The following CFAP20DC variants were observed in gnomAD, a reference collection of about 807,000 sequenced individuals.
CFAP20DC encodes the protein protein CFAP20DC.
Under a neutral mutation model 101.7 loss-of-function variants are expected in CFAP20DC, and 84 were observed. The observed-to-expected ratio is 0.83, with a 90% CI of 0.69 to 0.99. CFAP20DC has a LOEUF of 0.99. Among genes scored for constraint, CFAP20DC ranks in the 50% least tolerant of loss-of-function variants. CFAP20DC has a pLI of 0.00. For missense variants in CFAP20DC, 1,007 were observed against 970.3 expected (o/e 1.04, Z -0.50); for synonymous variants, 359 against 351.2 (o/e 1.02, Z -0.25).
chr3:59,025,689 A>G (rs1046170098), intron 4 of CFAP20DC, among the ~76,000 whole-genome samples: 3 of 152,138 alleles, frequency 2.0e-5, no homozygotes, highest in African/African-American at 7.2e-5. Context: ...TCCCTAGTCT[A>G]TAATCTGTCC....
intron 12 of CFAP20DC, chr3:58,862,882 G>A: frequency 5.1e-6 from 5 of 982,058 alleles, no homozygotes; most frequent in Non-Finnish European, 6.0e-6. Flanking sequence ...TGGGGAAAAA[G>A]TTATCAATGT....
chr3:58,922,482 C>T (rs1354877720), intron 5 of CFAP20DC, among the ~76,000 whole-genome samples: 1 of 152,086 alleles, frequency 6.6e-6, no homozygotes, highest in Non-Finnish European at 1.5e-5. Context: ...TGGCTTGGTG[C>T]CATTCTCACG....
chr3:58,876,151 C>G (rs2080734213), intron 7 of CFAP20DC, among the ~76,000 whole-genome samples: 1 of 152,060 alleles, frequency 6.6e-6, no homozygotes, highest in South Asian at 2.1e-4. Context: ...TTTAGTATCT[C>G]TTTAATAGAC....
intron 4 of CFAP20DC, among the ~76,000 whole-genome samples, chr3:58,948,110 T>G (rs1289588469): frequency 6.6e-6 from 1 of 152,212 alleles, no homozygotes; most frequent in Non-Finnish European, 1.5e-5. Context: ...TGCACCAAAC[T>G]GTCAAGTGCA....
chr3:58,959,585 G>T (rs1307239657), intron 4 of CFAP20DC, among the ~76,000 whole-genome samples: 1 of 152,156 alleles, frequency 6.6e-6, no homozygotes, highest in African/African-American at 2.4e-5. Flanking sequence ...TAAATGTAAG[G>T]ATTTGTTTCT....
At chr3:58,806,354 G>GT (rs59197884) in intron 15 of CFAP20DC, 41 bp downstream of exon 15, 125,766 of 983,358 alleles carry the variant, frequency 0.13, 2,448 homozygotes, top group African/African-American at 0.32. Flanking sequence ...TTCCAACTAA[G>GT]TTTTTTTTTT....
chr3:58,996,833 C>T (rs1043377381), intron 4 of CFAP20DC, among the ~76,000 whole-genome samples: 10 of 152,210 alleles, frequency 6.6e-5, no homozygotes, highest in African/African-American at 1.9e-4. Flanking sequence ...ATTCTAGATG[C>T]TTTTGAGACA....
rs60920549 is a variant in CFAP20DC, at chr3:58,969,720, C to A, written c.279-31958G>T. On this transcript the variant is annotated intron_variant, in intron 4 of 16. Coordinates refer to ENST00000482387, the MANE Select transcript of CFAP20DC (RefSeq NM_001394063.1). Reference sequence around the variant, plus strand: ...ACAATAGTTCTTATTCTTATCTATTCCACTCTACAATATGGATAAACCTTG... The same window carrying A: ...ACAATAGTTCTTATTCTTATCTATTACACTCTACAATATGGATAAACCTTG... Among the ~76,000 whole-genome samples, 3,199 of 152,200 alleles carry A rather than the reference C, an allele frequency of 0.021. 230 individuals carry two copies. The East Asian group carries it at 0.25, about 12-fold the overall frequency.
At chr3:58,811,033 C>T (rs1386654860) in intron 14 of CFAP20DC, among the ~76,000 whole-genome samples, 2 of 152,146 alleles carry the variant, frequency 1.3e-5, no homozygotes, top group African/African-American at 4.8e-5. Context: ...TACTACAAAT[C>T]ACTGCTCAGT....
chr3:58,861,380 G>C lies in CFAP20DC; in HGVS notation c.1593+2178C>G. On this transcript the variant is annotated intron_variant, in intron 12 of 16. Coordinates refer to ENST00000482387, the MANE Select transcript of CFAP20DC (RefSeq NM_001394063.1). This position sits in a 1 kb window ranked among gnomAD's most constrained non-coding sequence, Gnocchi z 4.0. ...TAAGGATGTAACATTCTAAAATAAT[G>C]CAATTAATAGTAAGGATGCCTTAAT... The C allele has an allele frequency of 1.3e-6, 1 of 758,522 alleles. No individual in the cohort carries two copies. The highest frequency in any genetic ancestry group is 1.3e-4 in the East Asian group (1 of 7,772). 47.0% of individuals were successfully genotyped at this position (758,522 alleles called of 1,614,324 possible).
chr3:58,884,498 G>A (rs200291152), intron 7 of CFAP20DC, 47 bp downstream of exon 7: 2 of 1,556,880 alleles, frequency 1.3e-6, no homozygotes, highest in East Asian at 4.5e-5. Flanking sequence ...CTTTATGGGA[G>A]AGATGCAGAC....
At chr3:58,923,574 T>G (rs1283475996) in intron 5 of CFAP20DC, among the ~76,000 whole-genome samples, 3 of 152,268 alleles carry the variant, frequency 2.0e-5, no homozygotes, top group Non-Finnish European at 4.4e-5. Context: ...TGACAGGAAG[T>G]TTATGATGGG....
rs886653476 is a variant in CFAP20DC at position 58,912,152 on chromosome 3, C to G, written c.550+1556G>C. Among the ~76,000 whole-genome samples, 5 of 152,122 alleles carry G rather than the reference C, an allele frequency of 3.3e-5. No individual in the cohort carries two copies. The East Asian group carries it at 9.6e-4, about 29-fold the overall frequency. ...TTCCTATATAGTAATTTCAGTGGAG[C>G]TTGAGGAAGGATCAGAGATTGAAAC... On this transcript the variant is annotated intron_variant, in intron 6 of 16. Coordinates refer to ENST00000482387, the MANE Select transcript of CFAP20DC (RefSeq NM_001394063.1). The surrounding 1 kb of genome is among the most constrained non-coding windows in gnomAD (Gnocchi z 4.4).
chr3:58,825,493 G>A (rs1237120195), intron 14 of CFAP20DC, among the ~76,000 whole-genome samples: 1 of 151,930 alleles, frequency 6.6e-6, no homozygotes, highest in East Asian at 1.9e-4. Context: ...GGCATCCCAT[G>A]AAGCAGTGTC....
At chr3:58,773,173 C>A (rs1390907790) in intron 15 of CFAP20DC, among the ~76,000 whole-genome samples, 2 of 151,898 alleles carry the variant, frequency 1.3e-5, no homozygotes. Context: ...GGTCCCTTGA[C>A]CAACTAAGGA....
chr3:58,950,867 TA>T (rs1202106809), intron 4 of CFAP20DC, among the ~76,000 whole-genome samples: 1 of 152,162 alleles, frequency 6.6e-6, no homozygotes, highest in Non-Finnish European at 1.5e-5. Flanking sequence ...ACTTCATGTC[TA>T]AAACACCAAA....
chr3:58,807,094 A>T (rs185825972), intron 14 of CFAP20DC, among the ~76,000 whole-genome samples: 3 of 152,006 alleles, frequency 2.0e-5, no homozygotes, highest in Non-Finnish European at 4.4e-5. Context: ...GCCCACCACA[A>T]CTCAAGGAGG....
intron 4 of CFAP20DC, among the ~76,000 whole-genome samples, chr3:58,982,997 G>A (rs1309608223): frequency 3.9e-5 from 6 of 152,078 alleles, no homozygotes; most frequent in African/African-American, 1.2e-4. Flanking sequence ...AGCCTGATTA[G>A]TGGTATTAAG....
intron 4 of CFAP20DC, among the ~76,000 whole-genome samples, chr3:58,979,898 G>T (rs760970220): frequency 4.6e-5 from 7 of 151,310 alleles, no homozygotes; most frequent in Non-Finnish European, 5.9e-5. Context: ...ATCATATCCT[G>T]GACAGCAAAT....
Sources: allele counts gnomAD v4.1 joint callset (sites outside exome capture counted in the v4.1 genomes callset), GRCh38; gene constraint gnomAD v4.1.1; non-coding constraint Gnocchi (gnomAD v3.1); transcripts MANE v1.5; gene names NCBI Gene and HGNC (gene_info 2026-07-23, HGNC 2026-07-21).